COL14A1: variants seen among roughly 807,000 people sequenced by gnomAD.
The protein encoded by COL14A1 is collagen alpha-1(XIV) chain.
COL14A1 carries 136 observed loss-of-function variants against 230.3 expected under a neutral mutation model. That is an observed-to-expected ratio of 0.59 (90% CI 0.51 to 0.68). COL14A1 has a LOEUF of 0.68. Ranked by LOEUF, COL14A1 falls within the 30% of genes least tolerant of loss-of-function variation. The pLI, the probability that COL14A1 is intolerant of heterozygous loss-of-function variation, is 0.00. For synonymous variants in COL14A1, 792 were observed against 784.1 expected (o/e 1.01, Z -0.17); for missense variants, 1,976 against 2,215.8 (o/e 0.89, Z 2.17).
At chr8:120,267,439 C>T (rs900624872) in intron 25 of COL14A1, among the ~76,000 whole-genome samples, 1 of 151,882 alleles carries the variant, frequency 6.6e-6, no homozygotes, top group South Asian at 2.1e-4. Flanking sequence ...GATTGCTGCT[C>T]TCTGCTTATT....
chr8:120,227,090 C>A lies in COL14A1; in HGVS notation c.2005-130C>A, dbSNP rs539660698. 192 of 993,600 alleles carry A rather than the reference C, an allele frequency of 1.9e-4. 1 individual carries two copies. Among genetic ancestry groups the A allele is most frequent in the East Asian group, 5.8e-4 (22 of 37,782 alleles). 61.5% of individuals were successfully genotyped at this position (993,600 alleles called of 1,614,324 possible). On this transcript the variant is annotated intron_variant, in intron 16 of 47. Coordinates refer to ENST00000297848, the MANE Select transcript of COL14A1 (RefSeq NM_021110.4). ...GAAAGGAATAAAGTCTCTGGCTTGA[C>A]CTTAAAATGGACTTCGACAGCCTTG...
At chr8:120,136,309 A>T (rs1365616212) in intron 1 of COL14A1, among the ~76,000 whole-genome samples, 6 of 152,018 alleles carry the variant, frequency 3.9e-5, no homozygotes, top group African/African-American at 9.7e-5. Context: ...TTTCTTTAAA[A>T]TCCTGAATGT....
chr8:120,161,873 C>G (rs1470096385), intron 3 of COL14A1, among the ~76,000 whole-genome samples: 1 of 152,172 alleles, frequency 6.6e-6, no homozygotes, highest in Non-Finnish European at 1.5e-5. Flanking sequence ...CCACATTGGC[C>G]AGGCTGGTTT....
At chr8:120,226,821 T>A (rs1052198909) in intron 16 of COL14A1, 55 bp downstream of exon 16, 40 of 1,545,876 alleles carry the variant, frequency 2.6e-5, no homozygotes, top group South Asian at 3.5e-5. Context: ...GAATACCTAC[T>A]GCTGCTGGAG....
In COL14A1 at chr8:120,232,734, A is replaced by G. The variant is rs148457070; in HGVS notation, c.2349+1116A>G. Among the ~76,000 whole-genome samples the G allele has an allele frequency of 2.1e-4, 32 of 152,162 alleles. No individual in the cohort carries two copies. In the East Asian group the frequency reaches 4.8e-3, roughly 23 times the overall value. ...GTAGTGCTGCAATAAACATGTGTGG[A>G]TGTATTGTTATAGTAGAATGATTTA... On this transcript the variant is annotated intron_variant, in intron 19 of 47. Transcript: ENST00000297848.
chr8:120,311,393 G>A (rs903443523), intron 37 of COL14A1, among the ~76,000 whole-genome samples: 8 of 152,108 alleles, frequency 5.3e-5, no homozygotes, highest in East Asian at 1.9e-4. Flanking sequence ...CTGGATGATC[G>A]TTCTAATCAT....
In COL14A1 at chr8:120,245,573, T is replaced by A. The variant is rs533094688; in HGVS notation, c.2479+1565T>A. 1.2e-4 allele frequency among the ~76,000 whole-genome samples: 19 copies of A among 152,336 alleles called. No individual in the cohort carries two copies. In the East Asian group the frequency reaches 3.1e-3, roughly 25 times the overall value. ...GCTTAAAACAGTGACCATTTTTTTTTATCATATCTCACAATTGTTTGGGTC... is the reference window on the plus strand; with the variant it reads ...GCTTAAAACAGTGACCATTTTTTTTAATCATATCTCACAATTGTTTGGGTC... On this transcript the variant is annotated intron_variant, in intron 20 of 47. Coordinates refer to ENST00000297848, the MANE Select transcript of COL14A1 (RefSeq NM_021110.4).
chr8:120,365,208 T>C (rs1265742020), intron 45 of COL14A1, among the ~76,000 whole-genome samples: 3 of 152,152 alleles, frequency 2.0e-5, no homozygotes, highest in African/African-American at 7.2e-5. Context: ...AGGGGATTAG[T>C]CCCAAGAATA....
chr8:120,370,417 G>T (rs1347996298), intron 47 of COL14A1: 2 of 1,602,926 alleles, frequency 1.2e-6, no homozygotes, highest in South Asian at 1.1e-5. Flanking sequence ...TTTAGCTGTG[G>T]ATACAGAACT....
At chr8:120,343,140 G>A (rs149817570) in intron 44 of COL14A1, among the ~76,000 whole-genome samples, 5 of 152,240 alleles carry the variant, frequency 3.3e-5, no homozygotes, top group Non-Finnish European at 7.4e-5. Flanking sequence ...ACTTTTGCAC[G>A]TTTCTGCTCT....
intron 5 of COL14A1, among the ~76,000 whole-genome samples, chr8:120,190,527 T>C (rs1816787814): frequency 6.6e-6 from 1 of 152,182 alleles, no homozygotes; most frequent in African/African-American, 2.4e-5. Context: ...TTGTTGCCAT[T>C]GCTTTTGGTG....
At chr8:120,264,877 G>C (rs1355304687) in intron 24 of COL14A1, among the ~76,000 whole-genome samples, 1 of 152,034 alleles carries the variant, frequency 6.6e-6, no homozygotes, top group Non-Finnish European at 1.5e-5. Flanking sequence ...TTTGTGTTTA[G>C]GACCCCTGAT....
At chr8:120,298,471 G>A (rs1468033945) in intron 35 of COL14A1, among the ~76,000 whole-genome samples, 5 of 150,544 alleles carry the variant, frequency 3.3e-5, no homozygotes, top group Non-Finnish European at 3.0e-5. Context: ...AAATATTTAT[G>A]TCCTAACAAC....
At chr8:120,231,890 C>T (rs1440466605) in intron 19 of COL14A1, 8 of 321,294 alleles carry the variant, frequency 2.5e-5, no homozygotes, top group African/African-American at 8.4e-5. Context: ...TGCACCTGTT[C>T]GAGCACCAAA....
intron 14 of COL14A1, among the ~76,000 whole-genome samples, chr8:120,223,129 A>C (rs79460847): frequency 0.012 from 1,841 of 152,346 alleles, 28 homozygotes; most frequent in African/African-American, 0.041. Context: ...GCTGGAACCC[A>C]AAAGGCCACT....
chr8:120,177,622 C>T (rs1387608450), intron 5 of COL14A1, among the ~76,000 whole-genome samples: 1 of 123,702 alleles, frequency 8.1e-6, no homozygotes, highest in Non-Finnish European at 1.6e-5. Context: ...GCACTCCAGT[C>T]TGGGTGACAG....
intron 10 of COL14A1, among the ~76,000 whole-genome samples, chr8:120,207,814 A>G (rs1454992839): frequency 1.9e-4 from 29 of 150,632 alleles, no homozygotes; most frequent in Admixed American, 1.9e-3. Context: ...AGAAAAGTAG[A>G]TTGTGGAGTC....
intron 1 of COL14A1, among the ~76,000 whole-genome samples, chr8:120,144,134 G>T (rs1280777513): frequency 6.6e-6 from 1 of 152,060 alleles, no homozygotes; most frequent in African/African-American, 2.4e-5. Context: ...AACAAGGAGT[G>T]TTTGCACTTG....
intron 32 of COL14A1, among the ~76,000 whole-genome samples, chr8:120,285,250 G>A (rs1049948085): frequency 6.6e-6 from 1 of 151,552 alleles, no homozygotes; most frequent in South Asian, 2.1e-4. Context: ...TCAGGAGATC[G>A]AGACCATCCT....
Sources: gnomAD v4.1 joint callset for allele counts (sites outside exome capture counted in the v4.1 genomes callset) on GRCh38, gnomAD v4.1.1 for gene constraint, MANE v1.5 for transcripts, NCBI Gene and HGNC (gene_info 2026-07-23, HGNC 2026-07-21) for gene names.